Variants in THSD7A observed in about 807,000 individuals in gnomAD.
The protein encoded by THSD7A is thrombospondin type-1 domain-containing protein 7A.
In THSD7A, 96 loss-of-function variants were observed where a neutral mutation model predicts 231.3. The observed-to-expected ratio is 0.41, with a 90% confidence interval of 0.35 to 0.49. The LOEUF is 0.49. Ranked by LOEUF, THSD7A falls within the 20% of genes least tolerant of loss-of-function variation. The pLI, the probability that THSD7A is intolerant of heterozygous loss-of-function variation, is 0.05. For synonymous variants in THSD7A, 940 were observed against 743.3 expected (o/e 1.26, Z -4.30); for missense variants, 2,290 against 2,070.2 (o/e 1.11, Z -2.06).
chr7:11,697,996 C>A (rs1780454147), intron 1 of THSD7A, among the ~76,000 whole-genome samples: 1 of 151,396 alleles, frequency 6.6e-6, no homozygotes. Flanking sequence ...CCCAGTTGAT[C>A]TGGAAGCTGT....
chr7:11,768,727 G>A (rs778924713), intron 1 of THSD7A, among the ~76,000 whole-genome samples: 1 of 151,930 alleles, frequency 6.6e-6, no homozygotes, highest in Non-Finnish European at 1.5e-5. Flanking sequence ...ATATCATTAA[G>A]GACAATTTAT....
chr7:11,545,046 T>TA (rs1278365512), intron 4 of THSD7A, among the ~76,000 whole-genome samples: 1 of 152,012 alleles, frequency 6.6e-6, no homozygotes, highest in Admixed American at 6.5e-5. Context: ...TCTCTGAATA[T>TA]AAAAAACTTG....
At chr7:11,376,231 G>C (rs1782266576) in intron 27 of THSD7A, among the ~76,000 whole-genome samples, 2 of 152,038 alleles carry the variant, frequency 1.3e-5, no homozygotes. Flanking sequence ...TGTTTTAGAA[G>C]ATACTTGAAT....
At chr7:11,753,012 A>T (rs1453465173) in intron 1 of THSD7A, among the ~76,000 whole-genome samples, 1 of 152,104 alleles carries the variant, frequency 6.6e-6, no homozygotes, top group Non-Finnish European at 1.5e-5. Context: ...GTAAATCTGA[A>T]TTTAATTAAA....
intron 6 of THSD7A, among the ~76,000 whole-genome samples, chr7:11,515,868 T>C (rs1788011310): frequency 6.6e-6 from 1 of 152,198 alleles, no homozygotes; most frequent in African/African-American, 2.4e-5. Flanking sequence ...GGAGTACTGC[T>C]TTGGCTAAGT....
At chr7:11,769,575 T>C (rs1024033778) in intron 1 of THSD7A, among the ~76,000 whole-genome samples, 3 of 152,160 alleles carry the variant, frequency 2.0e-5, no homozygotes, top group Admixed American at 6.5e-5. Flanking sequence ...AGCAAAATTC[T>C]GATTATGTTT....
At chr7:11,605,562 A>C (rs990865904) in intron 2 of THSD7A, among the ~76,000 whole-genome samples, 1 of 152,184 alleles carries the variant, frequency 6.6e-6, no homozygotes, top group Non-Finnish European at 1.5e-5. Context: ...GAAGATCCAC[A>C]TGCACAATAA....
chr7:11,728,620 A>T (rs1456644700), intron 1 of THSD7A, among the ~76,000 whole-genome samples: 2 of 151,910 alleles, frequency 1.3e-5, no homozygotes, highest in African/African-American at 4.8e-5. Context: ...TAAATTAGAG[A>T]ATATTATTTG....
chr7:11,488,029 C>T (rs1452323098), intron 6 of THSD7A, among the ~76,000 whole-genome samples: 1 of 152,054 alleles, frequency 6.6e-6, no homozygotes, highest in African/African-American at 2.4e-5. Context: ...AATTGCAACT[C>T]ACAACATAAT....
In THSD7A at chr7:11,444,229, G is replaced by A. The variant is rs1386366984; in HGVS notation, c.3064+1832C>T. The stretch of plus-strand genomic sequence containing the variant: ...AGTGTAAATTAGTTCAACCATTGTG[G>A]AAGACAGTGTGGCGATTCCTCAAGG... On this transcript the variant is annotated intron_variant, in intron 13 of 27. Coordinates refer to ENST00000423059, the MANE Select transcript of THSD7A (RefSeq NM_015204.3). The surrounding 1 kb of genome is among the most constrained non-coding windows in gnomAD (Gnocchi z 4.2). Among the ~76,000 whole-genome samples the A allele has an allele frequency of 6.6e-6, 1 of 152,078 alleles. No homozygotes were observed. The highest frequency in any genetic ancestry group is 2.4e-5 in the African/African-American group (1 of 41,430).
intron 1 of THSD7A, among the ~76,000 whole-genome samples, chr7:11,731,326 C>T (rs1364415942): frequency 1.3e-5 from 2 of 151,498 alleles, no homozygotes; most frequent in Non-Finnish European, 3.0e-5. Flanking sequence ...GATTATTGTG[C>T]ATTCCCAAAA....
At chr7:11,606,170 T>C (rs750210852) in intron 2 of THSD7A, among the ~76,000 whole-genome samples, 3 of 152,112 alleles carry the variant, frequency 2.0e-5, no homozygotes, top group Non-Finnish European at 4.4e-5. Context: ...TGCTGTGGCA[T>C]CCATGTGCAT....
At chr7:11,442,810 A>C (rs1784847539) in intron 13 of THSD7A, among the ~76,000 whole-genome samples, 2 of 152,090 alleles carry the variant, frequency 1.3e-5, no homozygotes, top group South Asian at 4.1e-4. Flanking sequence ...GATGCAGGAC[A>C]TGCAGAAGAA....
chr7:11,688,982 C>G (rs1297321913), intron 1 of THSD7A, among the ~76,000 whole-genome samples: 1 of 151,786 alleles, frequency 6.6e-6, no homozygotes, highest in Non-Finnish European at 1.5e-5. Context: ...AAAAAAGTTT[C>G]TGTTTCTCTT....
At chr7:11,822,376 T>C (rs184819944) in intron 1 of THSD7A, among the ~76,000 whole-genome samples, 18 of 152,280 alleles carry the variant, frequency 1.2e-4, no homozygotes, top group African/African-American at 4.3e-4. Context: ...AAACACATAA[T>C]TTTATTCTTT....
In THSD7A at chr7:11,519,720, G is replaced by T. The variant is rs142948790; in HGVS notation, c.1822+21699C>A. ...TATCGTTCAAACATTCGATTATCCT[G>T]CACTTCTGACAGACTAATACCGATT... is the stretch of plus-strand genomic sequence containing the variant. On this transcript the variant is annotated intron_variant, in intron 6 of 27. Coordinates refer to ENST00000423059, the MANE Select transcript of THSD7A (RefSeq NM_015204.3). Among the ~76,000 whole-genome samples the T allele has an allele frequency of 1.2e-3, 190 of 152,238 alleles. 1 individual carries two copies. The highest frequency in any genetic ancestry group is 4.4e-3 in the African/African-American group (184 of 41,528).
rs1193693481 is a variant in THSD7A, at chr7:11,688,220, T to C, written c.191-51259A>G. On this transcript the variant is annotated intron_variant, in intron 1 of 27. Coordinates refer to ENST00000423059, the MANE Select transcript of THSD7A (RefSeq NM_015204.3). ...CGGTTTCCCGCTTCAACCACGTCCC[T>C]ACAAAGGACATCAACTCATCATTTT... Among the ~76,000 whole-genome samples, 4 of 151,766 alleles carry C rather than the reference T, an allele frequency of 2.6e-5. No homozygotes were observed. The East Asian group carries it at 7.9e-4, about 30-fold the overall frequency.
At chr7:11,542,087 T>C (rs1789175918) in intron 5 of THSD7A, among the ~76,000 whole-genome samples, 3 of 152,224 alleles carry the variant, frequency 2.0e-5, no homozygotes, top group South Asian at 2.1e-4. Flanking sequence ...TGTCACATGA[T>C]TAAATTTGGA....
intron 2 of THSD7A, among the ~76,000 whole-genome samples, chr7:11,626,388 T>G (rs1411429937): frequency 6.6e-6 from 1 of 152,136 alleles, no homozygotes; most frequent in Non-Finnish European, 1.5e-5. Flanking sequence ...TTCCTTGAGT[T>G]GTATGCCTTT....
Sources: gnomAD v4.1 joint callset for allele counts (sites outside exome capture counted in the v4.1 genomes callset) on GRCh38, gnomAD v4.1.1 for gene constraint, Gnocchi (gnomAD v3.1) non-coding constraint, MANE v1.5 for transcripts, NCBI Gene and HGNC (gene_info 2026-07-23, HGNC 2026-07-21) for gene names.